CNTNAP1: variants seen among roughly 807,000 people sequenced by gnomAD.
CNTNAP1 encodes contactin associated protein 1, also known as contactin-associated protein 1.
A neutral mutation model predicts 161.5 loss-of-function variants in CNTNAP1; 80 were observed. The ratio of observed to expected loss-of-function variants is 0.50; its 90% CI spans 0.41 to 0.60. The LOEUF (loss-of-function observed/expected upper bound fraction) is 0.60, where lower values mean the gene tolerates loss of function less well. Among genes scored for constraint, CNTNAP1 ranks in the 20% least tolerant of loss-of-function variants. The pLI, the probability that CNTNAP1 is intolerant of heterozygous loss-of-function variation, is 0.00. For synonymous variants in CNTNAP1, 695 were observed against 733.1 expected (o/e 0.95, Z 0.84); for missense variants, 1,464 against 1,854.8 (o/e 0.79, Z 3.87).
chr17:42,689,154 C>T (rs2053054923), intron 10 of CNTNAP1, 107 bp downstream of exon 10: 2 of 1,125,956 alleles, frequency 1.8e-6, no homozygotes, highest in Admixed American at 2.6e-5. Context: ...GTCTCTGCTC[C>T]TTAGTCCCCT....
chr17:42,692,080 G>C (rs2143665799), intron 16 of CNTNAP1, 89 bp downstream of exon 16: 2 of 1,370,224 alleles, frequency 1.5e-6, no homozygotes, highest in East Asian at 4.6e-5. Flanking sequence ...GCCAAGGGCA[G>C]ATGCCCTTTT....
In CNTNAP1 at chr17:42,684,173, C is replaced by T; in HGVS notation, c.307C>T (p.Leu103Phe). ...GGACTGGGTCACACGTTACATGCTACTCTACGGCGACCGAGTGGACAGCTG... is the reference window on the plus strand; with the variant it reads ...GGACTGGGTCACACGTTACATGCTATTCTACGGCGACCGAGTGGACAGCTG... ...SWDWVTRYML[L>F]YGDRVDSWTP... is the part of the protein sequence containing the mutation. The change falls in exon 3 of 24, where the codon CTC becomes TTC. Residue 103 changes from leucine (L) to phenylalanine (F), a missense_variant. Coordinates refer to ENST00000264638, the MANE Select transcript of CNTNAP1 (RefSeq NM_003632.3). 2 of 1,614,164 alleles carry T rather than the reference C, an allele frequency of 1.2e-6. No individual in the cohort carries two copies. The highest frequency in any genetic ancestry group is 2.2e-5 in the South Asian group (2 of 91,088).
At chr17:42,690,382 C>T (rs2053069260) in intron 12 of CNTNAP1, among the ~76,000 whole-genome samples, 175 bp downstream of exon 12, 2 of 152,000 alleles carry the variant, frequency 1.3e-5, no homozygotes, top group East Asian at 1.9e-4. Context: ...CGTGGTGGCT[C>T]ACACCTGTAA....
At position 42,686,855 on chromosome 17, in the gene CNTNAP1, A is replaced by G. The variant is rs1369007009; in HGVS notation, c.901-48A>G. ...TACGGCGGGGACGCGCGAGAAAGGCAGGCGCCCTCCTGTGCCCAAGAGGCC... is the reference window on the plus strand; with the variant it reads ...TACGGCGGGGACGCGCGAGAAAGGCGGGCGCCCTCCTGTGCCCAAGAGGCC... On this transcript the variant is annotated intron_variant, in intron 6 of 23. Transcript: ENST00000264638. 2.6e-6 allele frequency: 4 copies of G among 1,543,466 alleles called. No individual in the cohort carries two copies. In the East Asian group the frequency reaches 6.8e-5, roughly 26 times the overall value.
Position 42,695,849 on chromosome 17 carries a change from C to T in CNTNAP1, c.3321C>T (p.Tyr1107=). The T allele has an allele frequency of 1.2e-6, 2 of 1,613,552 alleles. No homozygotes were observed. Among genetic ancestry groups the T allele is most frequent in the Non-Finnish European group, 1.7e-6 (2 of 1,179,546 alleles). ...ACGTCAGTTCCTTTGTTCGTGACTACATGGCTGTGCTCATCAAGGATGATG... is the reference window on the plus strand; with the variant it reads ...ACGTCAGTTCCTTTGTTCGTGACTATATGGCTGTGCTCATCAAGGATGATG... The part of the protein sequence containing the change: ...LLYVSSFVRD[Y]MAVLIKDDGT... The change falls in exon 19 of 24, where the codon TAC becomes TAT. Residue 1107 remains tyrosine, a synonymous_variant. Transcript: ENST00000264638.
Position 42,687,171 on chromosome 17 carries a change from C to G in CNTNAP1, c.1044+125C>G. 7.3e-7 allele frequency: 1 copy of G among 1,375,296 alleles called. No individual in the cohort carries two copies. The highest frequency in any genetic ancestry group is 9.8e-7 in the Non-Finnish European group (1 of 1,017,328). 85.2% of individuals were successfully genotyped at this position (1,375,296 alleles called of 1,614,324 possible). On this transcript the variant is annotated intron_variant, in intron 7 of 23. Coordinates refer to ENST00000264638, the MANE Select transcript of CNTNAP1 (RefSeq NM_003632.3). The surrounding 1 kb of genome is among the most constrained non-coding windows in gnomAD (Gnocchi z 4.7). The stretch of plus-strand genomic sequence containing the variant: ...GAATCCCTCTGTCCCCAGCCAGATG[C>G]TCAAGTTGGGAGGGGAGCGGGTCTC...
chr17:42,688,354 C>T, intron 8 of CNTNAP1, 108 bp from the exon 9 acceptor site: 1 of 1,454,446 alleles, frequency 6.9e-7, no homozygotes, highest in Non-Finnish European at 9.6e-7. Context: ...CACGGGGGCA[C>T]ACAGGCTGCT....
chr17:42,698,690 A>G lies in CNTNAP1; in HGVS notation c.3935A>G (p.Lys1312Arg), dbSNP rs1567977360. 1.2e-6 allele frequency: 2 copies of G among 1,613,138 alleles called. No homozygotes were observed. The highest frequency in any genetic ancestry group is 3.3e-5 in the Admixed American group (2 of 59,920). Reference sequence around the variant, plus strand: ...TTCTATCTGCAAAATCATCGCTATAAGGGCTCCTACCATACCAATGAGCCC... The same window carrying G: ...TTCTATCTGCAAAATCATCGCTATAGGGGCTCCTACCATACCAATGAGCCC... ...VLFYLQNHRY[K>R]GSYHTNEPKA... The change falls in exon 24 of 24, where the codon AAG becomes AGG. Residue 1312 changes from lysine (K) to arginine (R), a missense_variant. Coordinates refer to ENST00000264638, the MANE Select transcript of CNTNAP1 (RefSeq NM_003632.3).
At position 42,686,973 on chromosome 17, in the gene CNTNAP1, T is replaced by C. The variant is rs747297931; in HGVS notation, c.971T>C (p.Ile324Thr). 4 of 1,613,940 alleles carry C rather than the reference T, an allele frequency of 2.5e-6. No homozygotes were observed. Among genetic ancestry groups the C allele is most frequent in the Non-Finnish European group, 3.4e-6 (4 of 1,179,938 alleles). Residue 324 changes from isoleucine to threonine, a missense_variant, in exon 7 of 24, where the codon ATA becomes ACA. Coordinates refer to ENST00000264638, the MANE Select transcript of CNTNAP1 (RefSeq NM_003632.3). ...TATCGGCATAACTTCCGCGGCTGCA[T>C]AGAAAACGTAATCTTCAACCGCGTC... ...LAYRHNFRGCIENVIFNRVNI... is the reference protein window; with the variant it reads ...LAYRHNFRGCTENVIFNRVNI...
In CNTNAP1 at chr17:42,685,217, A is replaced by G; in HGVS notation, c.512A>G (p.Lys171Arg). Residue 171 changes from lysine (K) to arginine (R), a missense_variant and splice_region_variant, in exon 5 of 24, where the codon AAG becomes AGG. Lys to Arg is a conservative substitution (Grantham distance 26). This residue lies in a region of CNTNAP1 where 1,383 missense variants were observed against 1,765.0 expected (regional missense o/e 0.78). Transcript: ENST00000264638. The surrounding 1 kb of genome is among the most constrained non-coding windows in gnomAD (Gnocchi z 5.0). ...LRLGLYGCPY[K>R]ADILYFDGDD... ...GGCCCACCTACGGTCCTTTGCGCAG[A>G]GGCCGACATACTCTATTTCGACGGC... 6.2e-7 allele frequency: 1 copy of G among 1,613,710 alleles called. No homozygotes were observed. Among genetic ancestry groups the G allele is most frequent in the Non-Finnish European group, 8.5e-7 (1 of 1,180,024 alleles).
Position 42,698,744 on chromosome 17 carries a change from G to A in CNTNAP1, c.3989G>A (p.Ser1330Asn). ...PKAAHEYHPG[S>N]KPPLPTSGPA... Reference sequence around the variant, plus strand: ...GCTGCCCACGAGTACCATCCTGGCAGCAAACCTCCCCTACCCACTTCAGGC... The same window carrying A: ...GCTGCCCACGAGTACCATCCTGGCAACAAACCTCCCCTACCCACTTCAGGC... Residue 1330 changes from serine to asparagine, a missense_variant, in exon 24 of 24, where the codon AGC becomes AAC. Coordinates refer to ENST00000264638, the MANE Select transcript of CNTNAP1 (RefSeq NM_003632.3). 1 of 1,613,316 alleles carries A rather than the reference G, an allele frequency of 6.2e-7. No homozygotes were observed. Among genetic ancestry groups the A allele is most frequent in the Middle Eastern group, 1.7e-4 (1 of 6,056 alleles).
rs2053013280 is a variant in CNTNAP1, at chr17:42,686,475, T to TG, written c.900+334_900+335insG. Among the ~76,000 whole-genome samples the TG allele has an allele frequency of 3.7e-4, 41 of 109,852 alleles. 1 individual carries two copies. Among genetic ancestry groups the TG allele is most frequent in the Admixed American group, 2.6e-4 (3 of 11,660 alleles). 72.1% of individuals were successfully genotyped at this position (109,852 alleles called of 152,430 possible). On this transcript the variant is annotated intron_variant, in intron 6 of 23. Coordinates refer to ENST00000264638, the MANE Select transcript of CNTNAP1 (RefSeq NM_003632.3). The stretch of plus-strand genomic sequence containing the variant: ...ACTCACCAGAAAAAGGCCTGTTTTT[T>TG]TTTTTTTTTTTTTTTTTTGTGGGTG...
At chr17:42,686,181 T>A in intron 6 of CNTNAP1, 40 bp downstream of exon 6, 1 of 1,600,788 alleles carries the variant, frequency 6.2e-7, no homozygotes, top group Non-Finnish European at 8.6e-7. Context: ...GTAGGGTAGA[T>A]GCTGGATGAG....
chr17:42,691,452 C>T lies in CNTNAP1; in HGVS notation c.2285C>T (p.Thr762Met), dbSNP rs565230756. 7 of 1,613,942 alleles carry T rather than the reference C, an allele frequency of 4.3e-6. No homozygotes were observed. Among genetic ancestry groups the T allele is most frequent in the East Asian group, 4.5e-5 (2 of 44,882 alleles). Residue 762 changes from threonine (T) to methionine (M), a missense_variant, in exon 15 of 24, where the codon ACG becomes ATG. By Grantham distance (81) the Thr-to-Met change is moderately conservative. This residue lies in a region of CNTNAP1 where 1,383 missense variants were observed against 1,765.0 expected (regional missense o/e 0.78). Transcript: ENST00000264638. This position sits in a 1 kb window ranked among gnomAD's most constrained non-coding sequence, Gnocchi z 4.3. ...GTCACTCAGGTAGTGATAGGGGATA[C>T]GAACCGCTCCACTTCTGAGGCCCAG... ...LPVTQVVIGDTNRSTSEAQFF... is the reference protein window; with the variant it reads ...LPVTQVVIGDMNRSTSEAQFF...
At position 42,697,717 on chromosome 17, in the gene CNTNAP1, A is replaced by G. The variant is rs752837852; in HGVS notation, c.3732A>G (p.Glu1244=). 3.7e-6 allele frequency: 6 copies of G among 1,614,166 alleles called. No homozygotes were observed. Among genetic ancestry groups the G allele is most frequent in the Non-Finnish European group, 5.1e-6 (6 of 1,180,034 alleles). ...ELAEALRVQG[E]LSESNCGAMP... Reference sequence around the variant, plus strand: ...CTGAGGCCCTTCGAGTTCAGGGAGAACTGTCCGAATCTAATTGCGGAGCTA... The same window carrying G: ...CTGAGGCCCTTCGAGTTCAGGGAGAGCTGTCCGAATCTAATTGCGGAGCTA... The change falls in exon 22 of 24, where the codon GAA becomes GAG. Residue 1244 remains glutamate (E), a synonymous_variant. Coordinates refer to ENST00000264638, the MANE Select transcript of CNTNAP1 (RefSeq NM_003632.3).
At position 42,697,383 on chromosome 17, in the gene CNTNAP1, G is replaced by A. The variant is rs746070340; in HGVS notation, c.3568+16G>A. 2.5e-5 allele frequency: 40 copies of A among 1,613,292 alleles called. No individual in the cohort carries two copies. Among genetic ancestry groups the A allele is most frequent in the Admixed American group, 1.2e-4 (7 of 59,962 alleles). On this transcript the variant is annotated intron_variant, in intron 21 of 23. Coordinates refer to ENST00000264638, the MANE Select transcript of CNTNAP1 (RefSeq NM_003632.3). ...CGTGTGATGGGTAAGCTGCGGGTGC[G>A]GACGCGTTTTAGGCAAGGAGCTGTG...
Position 42,698,750 on chromosome 17 carries a change from C to T in CNTNAP1, c.3995C>T (p.Pro1332Leu), listed in dbSNP as rs200871551. The change falls in exon 24 of 24, where the codon CCT (proline) becomes CTT (leucine). Residue 1332 changes from proline to leucine, a missense_variant. Pro to Leu is a moderately conservative substitution (Grantham distance 98). This residue lies in a region of CNTNAP1 where 1,383 missense variants were observed against 1,765.0 expected (regional missense o/e 0.78). Transcript: ENST00000264638. The stretch of plus-strand genomic sequence containing the variant: ...CACGAGTACCATCCTGGCAGCAAAC[C>T]TCCCCTACCCACTTCAGGCCCTGCC... ...AAHEYHPGSK[P>L]PLPTSGPAQV... 69 of 1,613,308 alleles carry T rather than the reference C, an allele frequency of 4.3e-5. 1 individual carries two copies. The highest frequency in any genetic ancestry group is 2.5e-4 in the East Asian group (11 of 44,872).
Position 42,691,941 on chromosome 17 carries a change from G to A in CNTNAP1, c.2480G>A (p.Gly827Glu). 1 of 1,614,096 alleles carries A rather than the reference G, an allele frequency of 6.2e-7. No homozygotes were observed. The highest frequency in any genetic ancestry group is 8.5e-7 in the Non-Finnish European group (1 of 1,180,002). Residue 827 changes from glycine to glutamate, a missense_variant, in exon 16 of 24, where the codon GGG becomes GAG. By Grantham distance (98) the Gly-to-Glu change is moderately conservative. Transcript: ENST00000264638. This position sits in a 1 kb window ranked among gnomAD's most constrained non-coding sequence, Gnocchi z 4.3. ...TCGGGGGTCTTCCTAGAGAATATGG[G>A]GGGCCCTTACTGCCAGTGGCGCCGA... The part of the protein sequence containing the change: ...APSGVFLENM[G>E]GPYCQWRRPY...
In CNTNAP1 at chr17:42,682,650, G is replaced by C; in HGVS notation, c.-180G>C. ...ACCAGGAACCAGAGAGAGAGAGAGA[G>C]AAAAGAGAGAGGAGAGACAGAGCGC... On this transcript the variant is annotated 5_prime_UTR_variant, in exon 1 of 24. Transcript: ENST00000264638. 1.6e-6 allele frequency: 1 copy of C among 608,160 alleles called. No individual in the cohort carries two copies. The highest frequency in any genetic ancestry group is 1.9e-5 in the South Asian group (1 of 52,288). The allele number at this position is 608,160 out of a possible 1,614,324, so 37.7% of individuals were successfully genotyped here.
Sources: gnomAD v4.1 joint callset for allele counts (sites outside exome capture counted in the v4.1 genomes callset) on GRCh38, gnomAD v4.1.1 for gene constraint, gnomAD v4.1.1 regional missense constraint, Gnocchi (gnomAD v3.1) non-coding constraint, MANE v1.5 for transcripts, NCBI Gene and HGNC (gene_info 2026-07-23, HGNC 2026-07-21) for gene names.